The following AFAP1L2 variants were observed in gnomAD, a reference collection of about 807,000 sequenced individuals.
The protein encoded by AFAP1L2 is actin filament-associated protein 1-like 2.
Under a neutral mutation model 99.3 loss-of-function variants are expected in AFAP1L2, and 46 were observed. The ratio of observed to expected loss-of-function variants is 0.46; its 90% CI spans 0.37 to 0.59. The LOEUF is 0.59. Among genes scored for constraint, AFAP1L2 ranks in the 20% least tolerant of loss-of-function variants. The pLI, the probability that AFAP1L2 is intolerant of heterozygous loss-of-function variation, is 0.00. For missense variants in AFAP1L2, 959 were observed against 1,034.9 expected, an observed-to-expected ratio of 0.93 and a Z score of 1.01; for synonymous variants, 397 against 419.1, an observed-to-expected ratio of 0.95 and a Z score of 0.64.
At chr10:114,381,197 A>G (rs1001803557) in intron 1 of AFAP1L2, among the ~76,000 whole-genome samples, 2 of 152,260 alleles carry the variant, frequency 1.3e-5, no homozygotes, top group African/African-American at 2.4e-5. Context: ...TTATTAAGCC[A>G]TGAAAAGCAA....
At chr10:114,373,815 T>G (rs1261742221) in intron 1 of AFAP1L2, among the ~76,000 whole-genome samples, 4 of 152,266 alleles carry the variant, frequency 2.6e-5, no homozygotes, top group African/African-American at 9.6e-5. Context: ...GTCCCCCTCT[T>G]GAAGTCTCTA....
At chr10:114,302,203 G>C (rs754677517) in intron 12 of AFAP1L2, 136 bp downstream of exon 12, 9 of 1,314,306 alleles carry the variant, frequency 6.8e-6, no homozygotes, top group Non-Finnish European at 9.6e-6. Context: ...CTACTCCTTG[G>C]CTTCACATTT....
At position 114,329,224 on chromosome 10, in the gene AFAP1L2, C is replaced by T. The variant is rs114548012; in HGVS notation, c.315+2579G>A. On this transcript the variant is annotated intron_variant, in intron 4 of 18. Coordinates refer to ENST00000304129, the MANE Select transcript of AFAP1L2 (RefSeq NM_001001936.3). ...AGGAAGTCTACTTCAGAGGGGGCCA[C>T]GCTCCCCTCCCCACACTCAGTGTCT... is the stretch of plus-strand genomic sequence containing the variant. 6.7e-3 allele frequency among the ~76,000 whole-genome samples: 1,025 copies of T among 152,228 alleles called. 11 individuals carry two copies. Among genetic ancestry groups the T allele is most frequent in the African/African-American group, 0.023 (968 of 41,528 alleles).
At chr10:114,375,368 G>C (rs1413590308) in intron 1 of AFAP1L2, among the ~76,000 whole-genome samples, 1 of 152,186 alleles carries the variant, frequency 6.6e-6, no homozygotes, top group Non-Finnish European at 1.5e-5. Flanking sequence ...CCCAATTCTA[G>C]AGCAGGCCAA....
rs117043677 is a variant in AFAP1L2 at position 114,331,870 on chromosome 10, T to C, written c.248A>G (p.Asn83Ser). The C allele has an allele frequency of 8.5e-3, 11,546 of 1,361,032 alleles. 58 individuals are homozygous for C. Among genetic ancestry groups the C allele is most frequent in the Middle Eastern group, 0.018 (89 of 4,944 alleles). The allele number at this position is 1,361,032 out of a possible 1,614,324, so 84.3% of individuals were successfully genotyped here. Residue 83 changes from asparagine (N) to serine (S), a missense_variant, in exon 4 of 19, where the codon AAT becomes AGT. Around this residue, in one of 2 missense-constraint regions of AFAP1L2, gnomAD observed 383 missense variants for 472.8 expected, o/e 0.81. Transcript: ENST00000304129. ...KAPEEQGLLP[N>S]GEPSQHSSAP... Reference sequence around the variant, plus strand: ...CGAGGAGTGCTGGCTGGGCTCCCCATTGGGTAGCAGGCCCTGCTCCTCAGG... The same window carrying C: ...CGAGGAGTGCTGGCTGGGCTCCCCACTGGGTAGCAGGCCCTGCTCCTCAGG...
chr10:114,404,667 C>CCCTGTCCCA, upstream of AFAP1L2: 1 of 569,940 alleles, frequency 1.8e-6, no homozygotes, highest in Non-Finnish European at 2.6e-6. Context: ...GTCCCAGCGC[C>CCCTGTCCCA]GGAGAACTCC....
chr10:114,325,807 TGA>T (rs1422549451), intron 4 of AFAP1L2: 2 of 1,200,032 alleles, frequency 1.7e-6, no homozygotes, highest in African/African-American at 3.2e-5. Context: ...GAGAAAAGGC[TGA>T]GACAGTGACA....
At chr10:114,349,077 G>C (rs2050036420) in intron 1 of AFAP1L2, among the ~76,000 whole-genome samples, 1 of 152,028 alleles carries the variant, frequency 6.6e-6, no homozygotes, top group Non-Finnish European at 1.5e-5. Flanking sequence ...GACAGTAAGA[G>C]TGCAGAAGGC....
chr10:114,283,021 T>C, the AFAP1L2 span, among the ~76,000 whole-genome samples: 1 of 152,202 alleles, frequency 6.6e-6, no homozygotes, highest in Non-Finnish European at 1.5e-5. Flanking sequence ...CCCATGGAAG[T>C]AATCCCTCAG....
At chr10:114,342,881 G>A (rs190962352) in intron 1 of AFAP1L2, among the ~76,000 whole-genome samples, 64 of 152,326 alleles carry the variant, frequency 4.2e-4, no homozygotes, top group Non-Finnish European at 7.3e-4. Context: ...TGTCTGTGTC[G>A]CCATTTAGCT....
intron 10 of AFAP1L2, 114 bp downstream of exon 10, chr10:114,307,691 A>G: frequency 3.7e-6 from 3 of 809,924 alleles, no homozygotes; most frequent in Non-Finnish European, 6.2e-6. Flanking sequence ...CTCCATTCCT[A>G]GAGATGTTTA....
At chr10:114,336,890 G>A (rs2048056927) in intron 2 of AFAP1L2, among the ~76,000 whole-genome samples, 1 of 152,198 alleles carries the variant, frequency 6.6e-6, no homozygotes, top group African/African-American at 2.4e-5. Context: ...AAGAAACAAA[G>A]ATCAGAAAAC....
chr10:114,330,574 C>T (rs2047090067), intron 4 of AFAP1L2, among the ~76,000 whole-genome samples: 1 of 152,192 alleles, frequency 6.6e-6, no homozygotes, highest in Admixed American at 6.5e-5. Flanking sequence ...CATCCTTAGC[C>T]CATTAAATAA....
At position 114,315,439 on chromosome 10, in the gene AFAP1L2, C is replaced by T. The variant is rs894771840; in HGVS notation, c.612+121G>A. 4 of 963,984 alleles carry T rather than the reference C, an allele frequency of 4.1e-6. No homozygotes were observed. The African/African-American group carries it at 6.6e-5, about 16-fold the overall frequency. The allele number at this position is 963,984 out of a possible 1,614,324, so 59.7% of individuals were successfully genotyped here. On this transcript the variant is annotated intron_variant, in intron 6 of 18. Coordinates refer to ENST00000304129, the MANE Select transcript of AFAP1L2 (RefSeq NM_001001936.3). ...TTTCAGATTAGGGAGAAGTTAAAAT[C>T]TCCTGACATAAACAAGCTCGAAACC...
At chr10:114,392,988 G>A (rs1234601366) in intron 1 of AFAP1L2, among the ~76,000 whole-genome samples, 1 of 152,130 alleles carries the variant, frequency 6.6e-6, no homozygotes, top group Admixed American at 6.6e-5. Context: ...AAAAGGGGCT[G>A]ATTGTCATCC....
intron 1 of AFAP1L2, among the ~76,000 whole-genome samples, chr10:114,362,573 C>T (rs1367673751): frequency 1.3e-5 from 2 of 152,134 alleles, no homozygotes; most frequent in East Asian, 1.9e-4. Flanking sequence ...GCAGAGGGAG[C>T]GCGGACCTGC....
At chr10:114,319,411 C>A in intron 5 of AFAP1L2, 1 of 501,004 alleles carries the variant, frequency 2.0e-6, no homozygotes. Context: ...GTAGGTTGCT[C>A]CTCTGGAAGA....
In AFAP1L2 at chr10:114,297,018, A is replaced by T. The variant is rs774958421; in HGVS notation, c.2390T>A (p.Val797Asp). Residue 797 changes from valine to aspartate, a missense_variant, in exon 18 of 19, where the codon GTC becomes GAC. Around this residue, in one of 2 missense-constraint regions of AFAP1L2, gnomAD observed 576 missense variants for 562.1 expected, o/e 1.02. Coordinates refer to ENST00000304129, the MANE Select transcript of AFAP1L2 (RefSeq NM_001001936.3). ...ATTLKNRPLS[V>D]VVTGKGTVLQ... ...TACAGTGCCTTTGCCTGTGACCACG[A>T]CCGAGAGAGGCCTGTTCTTGAGTGT... is the stretch of plus-strand genomic sequence containing the variant. The T allele has an allele frequency of 3.7e-6, 6 of 1,614,026 alleles. No homozygotes were observed.
chr10:114,300,065 G>A (rs899921617), intron 15 of AFAP1L2, 129 bp downstream of exon 15: 8 of 1,317,228 alleles, frequency 6.1e-6, no homozygotes, highest in African/African-American at 5.8e-5. Context: ...ACTTGACCTT[G>A]TGATCGTGTG....
Sources: gnomAD v4.1 joint callset for allele counts (sites outside exome capture counted in the v4.1 genomes callset) on GRCh38, gnomAD v4.1.1 for gene constraint, gnomAD v4.1.1 regional missense constraint, MANE v1.5 for transcripts, NCBI Gene and HGNC (gene_info 2026-07-23, HGNC 2026-07-21) for gene names.